The following SP140 variants were observed in gnomAD, a reference collection of about 807,000 sequenced individuals.
SP140 encodes the protein nuclear body protein SP140.
SP140 carries 81 observed loss-of-function variants against 125.0 expected under a neutral mutation model. That is an observed-to-expected ratio of 0.65 (90% CI 0.54 to 0.78). The LOEUF is 0.78. Among genes scored for constraint, SP140 ranks in the 30% least tolerant of loss-of-function variants. SP140 has a pLI of 0.00. For missense variants in SP140, 858 were observed against 1,037.0 expected, an observed-to-expected ratio of 0.83 and a Z score of 2.37; for synonymous variants, 312 against 354.0, an observed-to-expected ratio of 0.88 and a Z score of 1.33.
intron 1 of SP140, among the ~76,000 whole-genome samples, chr2:230,231,268 T>G (rs1437532586): frequency 6.6e-6 from 1 of 152,262 alleles, no homozygotes; most frequent in Non-Finnish European, 1.5e-5. Flanking sequence ...GTTTTGATGA[T>G]TACTTTGTCT....
intron 9 of SP140, among the ~76,000 whole-genome samples, chr2:230,249,421 G>A (rs563345277): frequency 6.6e-6 from 1 of 152,294 alleles, no homozygotes; most frequent in South Asian, 2.1e-4. Context: ...GGATGGTGCT[G>A]ACAAGGGAAG....
the SP140 span, among the ~76,000 whole-genome samples, chr2:230,196,958 T>C: frequency 2.6e-5 from 4 of 152,188 alleles, no homozygotes; most frequent in Non-Finnish European, 5.9e-5. Context: ...GACATTTGGG[T>C]TGGTTCCAAG....
At chr2:230,293,861 G>T (rs2057400967) in intron 20 of SP140, among the ~76,000 whole-genome samples, 1 of 151,998 alleles carries the variant, frequency 6.6e-6, no homozygotes, top group Non-Finnish European at 1.5e-5. Context: ...ACTCCTTTAG[G>T]TTGTCCCATC....
At chr2:230,200,972 AATGAAAGAT>A, upstream of SP140, 1 of 1,609,718 alleles carries the variant, frequency 6.2e-7, no homozygotes, top group East Asian at 2.2e-5. Flanking sequence ...ATCTCTGGAA[AATGAAAGAT>A]CTTAGTAAAT....
At chr2:230,238,887 A>G in intron 3 of SP140, 1 of 1,551,508 alleles carries the variant, frequency 6.4e-7, no homozygotes, top group Non-Finnish European at 8.7e-7. Flanking sequence ...CTATGAAGAC[A>G]GAAAAGGGGG....
chr2:230,285,870 G>C (rs2056317183), intron 17 of SP140, 38 bp downstream of exon 17: 1 of 1,488,184 alleles, frequency 6.7e-7, no homozygotes, highest in Non-Finnish European at 9.4e-7. Context: ...TTGCCCTACA[G>C]GTCAATACAA....
intron 1 of SP140, among the ~76,000 whole-genome samples, chr2:230,233,864 T>G (rs532046018): frequency 3.9e-5 from 6 of 152,346 alleles, no homozygotes; most frequent in African/African-American, 1.4e-4. Context: ...AAAATTTCAT[T>G]GTATATTCAT....
upstream of SP140, chr2:230,200,736 G>T (rs1347806220): frequency 1.6e-5 from 11 of 692,944 alleles, no homozygotes; most frequent in Non-Finnish European, 2.3e-5. Flanking sequence ...CATGGGAAGG[G>T]TCTTGATTAA....
intron 12 of SP140, among the ~76,000 whole-genome samples, chr2:230,262,337 C>G (rs917714105): frequency 1.3e-5 from 2 of 152,132 alleles, no homozygotes; most frequent in African/African-American, 4.8e-5. Context: ...CGGGTTTTCT[C>G]TCCTCTTGGT....
chr2:230,266,079 T>C (rs2053077138), intron 12 of SP140, among the ~76,000 whole-genome samples: 1 of 152,172 alleles, frequency 6.6e-6, no homozygotes, highest in Non-Finnish European at 1.5e-5. Context: ...GGAGGCCTGG[T>C]ATTTCAGAAA....
chr2:230,301,541 C>T (rs924542876), intron 22 of SP140, among the ~76,000 whole-genome samples: 1 of 152,184 alleles, frequency 6.6e-6, no homozygotes, highest in African/African-American at 2.4e-5. Flanking sequence ...AACTAAGCTT[C>T]ATAAATGAAG....
intron 12 of SP140, among the ~76,000 whole-genome samples, chr2:230,259,511 C>A (rs191448498): frequency 7.0e-6 from 1 of 143,500 alleles, no homozygotes; most frequent in African/African-American, 2.5e-5. Flanking sequence ...AACCCCGCCT[C>A]CGCTAAAAAA....
chr2:230,241,521 A>C (rs1321372101), intron 4 of SP140, 34 bp downstream of exon 4: 1 of 1,315,390 alleles, frequency 7.6e-7, no homozygotes, highest in Non-Finnish European at 1.1e-6. Flanking sequence ...TGCCCTTATT[A>C]AAGTTTTGCT....
At chr2:230,220,919 G>A (rs10183659), upstream of SP140, among the ~76,000 whole-genome samples, 1,967 of 152,264 alleles carry the variant, frequency 0.013, 41 homozygotes, top group African/African-American at 0.044. Context: ...GGCTGAGGCT[G>A]GAGACTTGCT....
At chr2:230,221,805 C>A, upstream of SP140, 1 of 1,298,180 alleles carries the variant, frequency 7.7e-7, no homozygotes, top group Non-Finnish European at 1.1e-6. Flanking sequence ...ATACACCAGG[C>A]AAATGCAAAA....
intron 15 of SP140, among the ~76,000 whole-genome samples, chr2:230,276,762 A>G (rs1196419552): frequency 6.6e-6 from 1 of 152,216 alleles, no homozygotes; most frequent in Non-Finnish European, 1.5e-5. Context: ...CCATAATAAC[A>G]TTCATGATAT....
Position 230,269,822 on chromosome 2 carries a change from A to C in SP140, c.1328-15A>C, listed in dbSNP as rs1290407126. On this transcript the variant is annotated splice_polypyrimidine_tract_variant and intron_variant, in intron 13 of 26. Transcript: ENST00000392045. ...GTCAAACTGAAAGTCTTCATGAATC[A>C]CAATTTTGGCCCAGGAGCGGAGCAA... 2 of 1,593,820 alleles carry C rather than the reference A, an allele frequency of 1.3e-6. No individual in the cohort carries two copies. Among genetic ancestry groups the C allele is most frequent in the South Asian group, 1.1e-5 (1 of 90,558 alleles).
At chr2:230,223,239 G>C (rs901675633), upstream of SP140, among the ~76,000 whole-genome samples, 4 of 152,118 alleles carry the variant, frequency 2.6e-5, no homozygotes, top group Admixed American at 2.6e-4. Flanking sequence ...GTTTCACCAT[G>C]TTGGCCAGGA....
upstream of SP140, among the ~76,000 whole-genome samples, chr2:230,223,954 G>A (rs2046029286): frequency 6.6e-6 from 1 of 152,218 alleles, no homozygotes; most frequent in African/African-American, 2.4e-5. Flanking sequence ...TGGTCACGTG[G>A]CAGTAAAGGA....
Sources: gnomAD v4.1 joint callset for allele counts (sites outside exome capture counted in the v4.1 genomes callset) on GRCh38, gnomAD v4.1.1 for gene constraint, MANE v1.5 for transcripts, NCBI Gene and HGNC (gene_info 2026-07-23, HGNC 2026-07-21) for gene names.